Variants in ZNF433 observed in about 807,000 individuals in gnomAD.
ZNF433 encodes the protein zinc finger protein 433.
Under a neutral mutation model 10.6 loss-of-function variants are expected in ZNF433, and 12 were observed. The observed-to-expected ratio is 1.13, with a 90% CI of 0.72 to 1.83. The LOEUF is 1.83. Ranked by LOEUF, ZNF433 falls within the 40% of genes most tolerant of loss-of-function variation. The probability of loss-of-function intolerance (pLI) is 0.00; values close to 1 mark genes in which losing one functional copy is unlikely to be tolerated. For missense variants in ZNF433, 737 were observed against 798.0 expected (o/e 0.92, Z 0.92); for synonymous variants, 272 against 271.3 (o/e 1.00, Z -0.02).
At chr19:12,034,784 A>ACC in intron 1 of ZNF433, 1 of 453,334 alleles carries the variant, frequency 2.2e-6, no homozygotes, top group South Asian at 1.6e-5. Context: ...GCACCTTCTA[A>ACC]CCCCCCTTCC....
intron 1 of ZNF433, among the ~76,000 whole-genome samples, chr19:12,031,316 C>CAAAAAAAAAAAAAAAAAAAAAAAA (rs1175208367): frequency 9.8e-6 from 1 of 102,470 alleles, no homozygotes; most frequent in Non-Finnish European, 1.9e-5. Flanking sequence ...AAAAACAAAA[C>CAAAAAAAAAAAAAAAAAAAAAAAA]AAAAAAAAAA....
chr19:12,030,081 CAAAAA>C (rs74180055), intron 1 of ZNF433: 637 of 203,918 alleles, frequency 3.1e-3, no homozygotes, highest in Admixed American at 3.9e-3. Context: ...GACTCCATCT[CAAAAA>C]AAAAAAAAAA....
chr19:12,016,526 C>T lies in ZNF433; in HGVS notation c.332G>A (p.Ser111Asn), dbSNP rs968864049. ...GTGCCTATTAAGAGATGAATGAGCA[C>T]TGCCTACTTCTCCATACACACTGCT... ...CESSVYGEVG[S>N]AHSSLNRHIR... Residue 111 changes from serine to asparagine, a missense_variant, in exon 4 of 4, where the codon AGT becomes AAT. By Grantham distance (46) the Ser-to-Asn change is conservative. Coordinates refer to ENST00000550507, the MANE Select transcript of ZNF433 (RefSeq NM_001308348.2). 2 of 1,614,160 alleles carry T rather than the reference C, an allele frequency of 1.2e-6. No individual in the cohort carries two copies. The highest frequency in any genetic ancestry group is 1.7e-6 in the Non-Finnish European group (2 of 1,180,034).
In ZNF433 at chr19:12,016,561, T is replaced by C; in HGVS notation, c.297A>G (p.Lys99=). ...DMLKKTTTGV[K]SCESSVYGEV... ...CTCCATACACACTGCTTTCGCATGATTTTACTCCAGTAGTTGTTTTCTTCA... is the reference window on the plus strand; with the variant it reads ...CTCCATACACACTGCTTTCGCATGACTTTACTCCAGTAGTTGTTTTCTTCA... The change falls in exon 4 of 4, where the codon AAA becomes AAG. Residue 99 remains lysine, a synonymous_variant. Transcript: ENST00000550507. 3 of 1,614,132 alleles carry C rather than the reference T, an allele frequency of 1.9e-6. No homozygotes were observed. Among genetic ancestry groups the C allele is most frequent in the Non-Finnish European group, 2.5e-6 (3 of 1,180,026 alleles).
At chr19:12,026,146 T>C (rs1158136838) in intron 1 of ZNF433, 1 of 153,046 alleles carries the variant, frequency 6.5e-6, no homozygotes, top group Non-Finnish European at 1.5e-5. Context: ...AGTTGGGAAA[T>C]AGGTAAAATA....
rs1249591645 is a variant in ZNF433, at chr19:12,017,908, A to C, written c.159T>G (p.Tyr53Ter). The change falls in exon 3 of 4, where the codon TAT (tyrosine) becomes TAG (stop). Residue 53 changes from tyrosine to a stop codon, truncating the protein, a stop_gained. Coordinates refer to ENST00000550507, the MANE Select transcript of ZNF433 (RefSeq NM_001308348.2). LOFTEE classifies it low-confidence loss of function (END_TRUNC). ...TTCTCCTTAGATTTTCGTACTCTAC[A>C]TATATGTTCTGGGGTTTCCATTTTT... ...IGKKWKPQNI[Y>*]VEYENLRRNL... The C allele has an allele frequency of 8.2e-6, 13 of 1,594,752 alleles. No homozygotes were observed. The highest frequency in any genetic ancestry group is 1.1e-5 in the Non-Finnish European group (13 of 1,174,726).
chr19:12,021,527 T>C (rs1568334815), intron 1 of ZNF433, among the ~76,000 whole-genome samples: 1 of 152,160 alleles, frequency 6.6e-6, no homozygotes, highest in African/African-American at 2.4e-5. Context: ...CCCTGTAATA[T>C]AGGAGAGAGA....
rs886692204 is a variant in ZNF433, at chr19:12,018,066, A to C, written c.130+100T>G. ...TCAAATATTCCCTGTCCACATTGTA[A>C]ATCACTCAACAGCATACATGAGCTA... On this transcript the variant is annotated intron_variant, in intron 2 of 3. Transcript: ENST00000550507. 29 of 1,397,326 alleles carry C rather than the reference A, an allele frequency of 2.1e-5. 1 individual carries two copies. In the South Asian group the frequency reaches 4.2e-4, roughly 20 times the overall value. 86.6% of individuals were successfully genotyped at this position (1,397,326 alleles called of 1,614,324 possible).
Position 12,015,862 on chromosome 19 carries a change from T to A in ZNF433, c.996A>T (p.Lys332Asn). 6.2e-7 allele frequency: 1 copy of A among 1,613,894 alleles called. No homozygotes were observed. Among genetic ancestry groups the A allele is most frequent in the Non-Finnish European group, 8.5e-7 (1 of 1,179,962 alleles). The change falls in exon 4 of 4, where the codon AAA becomes AAT. Residue 332 changes from lysine (K) to asparagine (N), a missense_variant. Coordinates refer to ENST00000550507, the MANE Select transcript of ZNF433 (RefSeq NM_001308348.2). ...VRRHERTHSRKKPYECKHCGK... is the reference protein window; with the variant it reads ...VRRHERTHSRNKPYECKHCGK... ...CACAATGTTTACATTCATAGGGTTT[T>A]TTCCTAGAGTGGGTTCTTTCATGTC...
chr19:12,016,746 T>G (rs1049261678), intron 3 of ZNF433, 80 bp from the exon 4 acceptor site: 70 of 1,491,112 alleles, frequency 4.7e-5, no homozygotes, highest in Non-Finnish European at 6.0e-5. Context: ...GCACTTGCAT[T>G]TTTTCTCTTT....
intron 1 of ZNF433, chr19:12,023,667 A>G (rs993635951): frequency 2.0e-5 from 3 of 152,124 alleles, no homozygotes; most frequent in African/African-American, 7.2e-5. Context: ...AACCCACTCA[A>G]TTTAACAGAG....
intron 1 of ZNF433, among the ~76,000 whole-genome samples, chr19:12,028,534 A>G (rs548279220): frequency 6.6e-6 from 1 of 152,320 alleles, no homozygotes; most frequent in Admixed American, 6.5e-5. Context: ...TGTTTTGACC[A>G]TATGTAATAT....
intron 1 of ZNF433, chr19:12,018,519 T>C (rs2145417063): frequency 2.4e-6 from 1 of 411,954 alleles, no homozygotes; most frequent in East Asian, 4.3e-5. Context: ...ATGTGTATTT[T>C]TGGTAAATCC....
chr19:12,029,939 G>A (rs540099891), intron 1 of ZNF433, among the ~76,000 whole-genome samples: 1 of 151,696 alleles, frequency 6.6e-6, no homozygotes, highest in East Asian at 2.0e-4. Context: ...AAAATTAGCT[G>A]GGCACGGTAG....
rs116573716 is a variant in ZNF433 at position 12,019,416 on chromosome 19, A to C, written c.4-1124T>G. On this transcript the variant is annotated intron_variant, in intron 1 of 3. Transcript: ENST00000550507. Reference sequence around the variant, plus strand: ...GCTTGGGCAACAGCAAGACTCCATCACAAAAAAACCACTTTTGTGCATGAG... The same window carrying C: ...GCTTGGGCAACAGCAAGACTCCATCCCAAAAAAACCACTTTTGTGCATGAG... Among the ~76,000 whole-genome samples, 1,309 of 152,152 alleles carry C rather than the reference A, an allele frequency of 8.6e-3. 17 individuals carry two copies. Among genetic ancestry groups the C allele is most frequent in the African/African-American group, 0.03 (1,256 of 41,524 alleles).
intron 1 of ZNF433, among the ~76,000 whole-genome samples, chr19:12,030,528 ATTCT>A (rs1262887961): frequency 6.6e-6 from 1 of 152,264 alleles, no homozygotes; most frequent in East Asian, 1.9e-4. Context: ...CCTAGAAATT[ATTCT>A]TTAAGTCACC....
At chr19:12,034,286 T>G (rs1975173798) in intron 1 of ZNF433, among the ~76,000 whole-genome samples, 1 of 152,166 alleles carries the variant, frequency 6.6e-6, no homozygotes, top group African/African-American at 2.4e-5. Flanking sequence ...AAATAAGTAA[T>G]TCAAAAATTG....
chr19:12,028,805 C>A (rs947375275), intron 1 of ZNF433, among the ~76,000 whole-genome samples: 10 of 152,146 alleles, frequency 6.6e-5, no homozygotes, highest in African/African-American at 2.4e-4. Flanking sequence ...CTCAAGCTAT[C>A]CCTACCTTCC....
At chr19:12,016,717 A>G (rs1036004725) in intron 3 of ZNF433, 51 bp from the exon 4 acceptor site, 1 of 1,570,426 alleles carries the variant, frequency 6.4e-7, no homozygotes, top group African/African-American at 1.4e-5. Context: ...CAGTGATTTT[A>G]TATTCATTCA....
Sources: gnomAD v4.1 joint callset for allele counts (sites outside exome capture counted in the v4.1 genomes callset) on GRCh38, gnomAD v4.1.1 for gene constraint, MANE v1.5 for transcripts, NCBI Gene and HGNC (gene_info 2026-07-23, HGNC 2026-07-21) for gene names.